The following FSTL4 variants were observed in gnomAD, a reference collection of about 807,000 sequenced individuals.
FSTL4 encodes follistatin-related protein 4.
FSTL4 carries 28 observed loss-of-function variants against 78.2 expected under a neutral mutation model. The ratio of observed to expected loss-of-function variants is 0.36; its 90% CI spans 0.27 to 0.49. The LOEUF is 0.49. Among genes scored for constraint, FSTL4 ranks in the 20% least tolerant of loss-of-function variants. The pLI is 0.98. For synonymous variants in FSTL4, 422 were observed against 440.5 expected (o/e 0.96, Z 0.53); for missense variants, 922 against 1,084.9 (o/e 0.85, Z 2.11).
chr5:133,453,803 A>G (rs1464699991), intron 3 of FSTL4, among the ~76,000 whole-genome samples: 1 of 152,182 alleles, frequency 6.6e-6, no homozygotes, highest in Non-Finnish European at 1.5e-5. Flanking sequence ...GGCCAGGTTG[A>G]GGGGATGGAG....
chr5:133,337,514 C>T (rs917803449), intron 4 of FSTL4, among the ~76,000 whole-genome samples: 1 of 152,136 alleles, frequency 6.6e-6, no homozygotes, highest in African/African-American at 2.4e-5. Context: ...CTGAGCAAAG[C>T]GCCGTGATTA....
intron 3 of FSTL4, among the ~76,000 whole-genome samples, chr5:133,546,557 G>GAAA (rs1759578392): frequency 6.7e-6 from 1 of 149,438 alleles, no homozygotes; most frequent in African/African-American, 2.5e-5. Flanking sequence ...TTCAGGAGAG[G>GAAA]AAACCAAAGA....
chr5:133,224,609 C>A lies in FSTL4; in HGVS notation c.1313-393G>T, dbSNP rs185720546. 9.7e-4 allele frequency among the ~76,000 whole-genome samples: 147 copies of A among 152,328 alleles called. 1 individual carries two copies. The highest frequency in any genetic ancestry group is 6.2e-3 in the South Asian group (30 of 4,826). Reference sequence around the variant, plus strand: ...GACCACGTGAAATACTTCTGATTATCTACTTTGATGAAAATGGCTTAGCCT... The same window carrying A: ...GACCACGTGAAATACTTCTGATTATATACTTTGATGAAAATGGCTTAGCCT... On this transcript the variant is annotated intron_variant, in intron 10 of 15. Transcript: ENST00000265342.
chr5:133,334,925 T>C (rs1754430498), intron 4 of FSTL4, among the ~76,000 whole-genome samples: 1 of 151,990 alleles, frequency 6.6e-6, no homozygotes, highest in African/African-American at 2.4e-5. Context: ...AGGAGAAGAA[T>C]ACAAGGCCTA....
At chr5:133,251,640 C>A (rs146267131) in intron 6 of FSTL4, among the ~76,000 whole-genome samples, 1 of 152,118 alleles carries the variant, frequency 6.6e-6, no homozygotes, top group African/African-American at 2.4e-5. Flanking sequence ...GATTTGCAAC[C>A]GGTCTCCCAT....
intron 3 of FSTL4, among the ~76,000 whole-genome samples, chr5:133,566,540 CAA>C (rs972658317): frequency 6.6e-6 from 1 of 152,094 alleles, no homozygotes; most frequent in African/African-American, 2.4e-5. Context: ...ACAAATCATA[CAA>C]AAGGCATCCC....
chr5:133,652,644 C>T, the FSTL4 span, among the ~76,000 whole-genome samples: 4 of 152,122 alleles, frequency 2.6e-5, no homozygotes, highest in South Asian at 2.1e-4. Flanking sequence ...TTCCCATTCT[C>T]GTAAGCATGT....
At chr5:133,496,275 A>C (rs1347191476) in intron 3 of FSTL4, among the ~76,000 whole-genome samples, 1 of 152,364 alleles carries the variant, frequency 6.6e-6, no homozygotes, top group Middle Eastern at 3.4e-3. Flanking sequence ...AAACAAAGAA[A>C]GCAATCTTGT....
chr5:133,540,348 C>T (rs1225463875), intron 3 of FSTL4, among the ~76,000 whole-genome samples: 2 of 152,122 alleles, frequency 1.3e-5, no homozygotes. Flanking sequence ...AAAAGCCAAA[C>T]TCACAAATCT....
chr5:133,324,101 T>C (rs552573168), intron 4 of FSTL4, among the ~76,000 whole-genome samples: 39 of 152,326 alleles, frequency 2.6e-4, no homozygotes, highest in African/African-American at 8.7e-4. Context: ...ACACTTTCTA[T>C]TGCAAAACAA....
the FSTL4 span, among the ~76,000 whole-genome samples, chr5:133,763,118 A>C: frequency 6.6e-6 from 1 of 152,178 alleles, no homozygotes; most frequent in African/African-American, 2.4e-5. Flanking sequence ...AGAACCACTC[A>C]TCTCCTCTCC....
At chr5:133,377,353 G>T (rs850197) in intron 4 of FSTL4, among the ~76,000 whole-genome samples, 86,063 of 150,628 alleles carry the variant, frequency 0.57, 26,053 homozygotes, top group Middle Eastern at 0.72. Flanking sequence ...ACAACTAAGG[G>T]TGTCATTCTA....
intron 6 of FSTL4, among the ~76,000 whole-genome samples, chr5:133,289,056 C>G (rs1007049172): frequency 3.9e-5 from 6 of 152,162 alleles, no homozygotes; most frequent in African/African-American, 1.4e-4. Flanking sequence ...GTGTATGCCC[C>G]TCTTTCATGC....
chr5:133,553,120 C>G (rs1408251255), intron 3 of FSTL4, among the ~76,000 whole-genome samples: 1 of 152,082 alleles, frequency 6.6e-6, no homozygotes, highest in African/African-American at 2.4e-5. Flanking sequence ...CCAGGGGGCG[C>G]GGGAGAGAGG....
At chr5:133,648,335 G>A in the FSTL4 span, among the ~76,000 whole-genome samples, 1 of 152,150 alleles carries the variant, frequency 6.6e-6, no homozygotes, top group Non-Finnish European at 1.5e-5. Context: ...GTAGCCCAAG[G>A]GGGCAGCTTT....
At chr5:133,323,603 G>A (rs930461602) in intron 4 of FSTL4, among the ~76,000 whole-genome samples, 15 of 152,216 alleles carry the variant, frequency 9.9e-5, no homozygotes, top group East Asian at 7.7e-4. Context: ...CACTGACAGC[G>A]TCATTGGCAG....
At chr5:133,697,448 C>T in the FSTL4 span, among the ~76,000 whole-genome samples, 29 of 152,222 alleles carry the variant, frequency 1.9e-4, no homozygotes, top group Non-Finnish European at 4.0e-4. Context: ...CAAATATACA[C>T]ATTCATCCTC....
At chr5:133,517,865 T>G (rs992121195) in intron 3 of FSTL4, among the ~76,000 whole-genome samples, 1 of 152,186 alleles carries the variant, frequency 6.6e-6, no homozygotes, top group African/African-American at 2.4e-5. Context: ...CAGAATTATC[T>G]CTTCTTTGCG....
At chr5:133,445,679 G>A (rs992285984) in intron 3 of FSTL4, among the ~76,000 whole-genome samples, 11 of 152,194 alleles carry the variant, frequency 7.2e-5, no homozygotes, top group African/African-American at 2.7e-4. Flanking sequence ...ATGCCAGGAG[G>A]GGCTTCAATC....
Sources: gnomAD v4.1 joint callset for allele counts (sites outside exome capture counted in the v4.1 genomes callset) on GRCh38, gnomAD v4.1.1 for gene constraint, MANE v1.5 for transcripts, NCBI Gene and HGNC (gene_info 2026-07-23, HGNC 2026-07-21) for gene names.